Variants in TMEM117 observed in about 807,000 individuals in gnomAD.
TMEM117 encodes the protein transmembrane protein 117.
Under a neutral mutation model 52.4 loss-of-function variants are expected in TMEM117, and 27 were observed. That is an observed-to-expected ratio of 0.51 (90% CI 0.38 to 0.71). The LOEUF (loss-of-function observed/expected upper bound fraction) is 0.71. Ranked by LOEUF, TMEM117 falls within the 30% of genes least tolerant of loss-of-function variation. The pLI is 0.00. For missense variants in TMEM117, 556 were observed against 630.5 expected, an observed-to-expected ratio of 0.88 and a Z score of 1.26; for synonymous variants, 215 against 206.3, an observed-to-expected ratio of 1.04 and a Z score of -0.36.
intron 3 of TMEM117, among the ~76,000 whole-genome samples, chr12:44,107,638 T>A (rs1947982042): frequency 6.6e-6 from 1 of 152,152 alleles, no homozygotes; most frequent in African/African-American, 2.4e-5. Context: ...CGACTATTTC[T>A]AATGAAGAAT....
chr12:43,874,245 G>A (rs184637039), intron 2 of TMEM117, among the ~76,000 whole-genome samples: 6 of 152,096 alleles, frequency 3.9e-5, no homozygotes, highest in African/African-American at 1.2e-4. Context: ...ACTTTAATTT[G>A]TCTCCTCATT....
At chr12:44,183,672 T>A (rs1949236381) in intron 4 of TMEM117, among the ~76,000 whole-genome samples, 1 of 152,114 alleles carries the variant, frequency 6.6e-6, no homozygotes, top group South Asian at 2.1e-4. Context: ...AAAGGCAAGC[T>A]GCATAAGGAA....
chr12:44,024,408 T>C (rs1260254994), intron 3 of TMEM117, among the ~76,000 whole-genome samples: 1 of 152,186 alleles, frequency 6.6e-6, no homozygotes, highest in Non-Finnish European at 1.5e-5. Context: ...TACTTATTTC[T>C]GTGATGAGTG....
At chr12:43,822,286 T>A in the TMEM117 span, among the ~76,000 whole-genome samples, 1 of 152,222 alleles carries the variant, frequency 6.6e-6, no homozygotes, top group African/African-American at 2.4e-5. Flanking sequence ...TTTCTTGTTG[T>A]TAAATTGGAC....
chr12:44,348,907 G>A lies in TMEM117; in HGVS notation c.769-27688G>A, dbSNP rs538048774. ...CATTCTGAAAGAGTATTGATTGAAT[G>A]TCAGTCAGAGAGGTGATTGTCAGAG... On this transcript the variant is annotated intron_variant, in intron 6 of 7. Transcript: ENST00000266534. Among the ~76,000 whole-genome samples, 16 of 152,064 alleles carry A rather than the reference G, an allele frequency of 1.1e-4. No homozygotes were observed. In the East Asian group the frequency reaches 3.1e-3, roughly 30 times the overall value.
chr12:43,859,628 G>A (rs1366820478), intron 2 of TMEM117, among the ~76,000 whole-genome samples: 1 of 152,160 alleles, frequency 6.6e-6, no homozygotes, highest in Non-Finnish European at 1.5e-5. Flanking sequence ...GCAGGGAGGT[G>A]TGCCACAGTT....
intron 6 of TMEM117, among the ~76,000 whole-genome samples, chr12:44,311,797 G>GTA (rs1298160714): frequency 0.047 from 971 of 20,446 alleles, 28 homozygotes; most frequent in South Asian, 0.07. Flanking sequence ...GTATATATAT[G>GTA]TATATATGTA....
rs182821645 is a variant in TMEM117 at position 44,206,977 on chromosome 12, A to T, written c.511-4313A>T. Among the ~76,000 whole-genome samples the T allele has an allele frequency of 4.6e-5, 7 of 152,300 alleles. No individual in the cohort carries two copies. In the East Asian group the frequency reaches 1.2e-3, roughly 25 times the overall value. ...CTCCCTGAACTGAAAAGTCAAAAAA[A>T]TTTTTAAAAAGGTATGATGGACAAT... On this transcript the variant is annotated intron_variant, in intron 4 of 7. Transcript: ENST00000266534.
intron 2 of TMEM117, among the ~76,000 whole-genome samples, chr12:43,919,335 T>C (rs1317231107): frequency 6.6e-6 from 1 of 152,192 alleles, no homozygotes; most frequent in East Asian, 1.9e-4. Flanking sequence ...CCTTGTACTC[T>C]CTGTTCTGTG....
At chr12:44,376,784 G>A (rs1951948224) in intron 7 of TMEM117, 60 bp downstream of exon 7, 2 of 1,509,820 alleles carry the variant, frequency 1.3e-6, no homozygotes, top group Non-Finnish European at 8.9e-7. Flanking sequence ...GGTAATGCTA[G>A]TTGCTGTAAA....
At chr12:43,891,867 G>A (rs779872517) in intron 2 of TMEM117, among the ~76,000 whole-genome samples, 54 of 151,934 alleles carry the variant, frequency 3.6e-4, no homozygotes, top group Middle Eastern at 3.2e-3. Context: ...GTGATCCAAT[G>A]TCTTTCATTA....
chr12:44,255,121 G>T (rs913747560), intron 5 of TMEM117, among the ~76,000 whole-genome samples: 1 of 152,098 alleles, frequency 6.6e-6, no homozygotes, highest in African/African-American at 2.4e-5. Flanking sequence ...ATAAACATAC[G>T]TGTGCATGTG....
At chr12:44,356,987 T>G (rs899618339) in intron 6 of TMEM117, among the ~76,000 whole-genome samples, 20 of 152,136 alleles carry the variant, frequency 1.3e-4, no homozygotes, top group Non-Finnish European at 2.8e-4. Flanking sequence ...GCACTGAAAA[T>G]AAAACCCTTC....
At chr12:44,241,196 A>G (rs1366963034) in intron 5 of TMEM117, among the ~76,000 whole-genome samples, 4 of 151,638 alleles carry the variant, frequency 2.6e-5, no homozygotes, top group Non-Finnish European at 5.9e-5. Context: ...GGTTTTTTAG[A>G]TGTACTATTT....
chr12:44,201,953 G>A (rs1266528910), intron 4 of TMEM117, among the ~76,000 whole-genome samples: 1 of 151,854 alleles, frequency 6.6e-6, no homozygotes, highest in Admixed American at 6.6e-5. Context: ...AAGATATCAT[G>A]TGGTATCTTT....
chr12:44,103,881 A>G (rs1377859610), intron 3 of TMEM117, among the ~76,000 whole-genome samples: 1 of 152,044 alleles, frequency 6.6e-6, no homozygotes, highest in Non-Finnish European at 1.5e-5. Context: ...AAACATATAG[A>G]TAATTGAATT....
chr12:44,310,751 T>C (rs1950964272), intron 6 of TMEM117, among the ~76,000 whole-genome samples: 2 of 152,200 alleles, frequency 1.3e-5, no homozygotes, highest in South Asian at 2.1e-4. Context: ...CTGGGATATA[T>C]GTTCCTTTAA....
At chr12:44,313,028 A>G (rs574342040) in intron 6 of TMEM117, among the ~76,000 whole-genome samples, 3 of 152,186 alleles carry the variant, frequency 2.0e-5, no homozygotes, top group South Asian at 2.1e-4. Flanking sequence ...TGTTGGATGC[A>G]TAATTTGCAG....
At chr12:44,117,633 G>T (rs897934163) in intron 3 of TMEM117, among the ~76,000 whole-genome samples, 1 of 152,054 alleles carries the variant, frequency 6.6e-6, no homozygotes, top group African/African-American at 2.4e-5. Context: ...GCCATATCTT[G>T]TTTTTGACCA....
Sources: gnomAD v4.1 joint callset for allele counts (sites outside exome capture counted in the v4.1 genomes callset) on GRCh38, gnomAD v4.1.1 for gene constraint, MANE v1.5 for transcripts, NCBI Gene and HGNC (gene_info 2026-07-23, HGNC 2026-07-21) for gene names.